Variants in FLCN observed in about 807,000 individuals in gnomAD.
FLCN encodes the protein folliculin.
A neutral mutation model predicts 62.5 loss-of-function variants in FLCN; 22 were observed. The ratio of observed to expected loss-of-function variants is 0.35; its 90% CI spans 0.25 to 0.50. The LOEUF (loss-of-function observed/expected upper bound fraction) is 0.50, where lower values mean the gene tolerates loss of function less well. FLCN is among the 20% of genes least tolerant of loss of function. The pLI is 0.97. For missense variants in FLCN, 657 were observed against 778.0 expected, an observed-to-expected ratio of 0.84 and a Z score of 1.85; for synonymous variants, 319 against 310.0, an observed-to-expected ratio of 1.03 and a Z score of -0.30.
rs8073346 is a variant in FLCN at position 17,214,854 on chromosome 17, T to G, written c.1538+131A>C. On this transcript the variant is annotated intron_variant, in intron 13 of 13. Transcript: ENST00000285071. Reference sequence around the variant, plus strand: ...GAGCTTTGCAGTGGCGGACGTGGAGTTGGAACCCCGCCCCCAACCTCTTCT... The same window carrying G: ...GAGCTTTGCAGTGGCGGACGTGGAGGTGGAACCCCGCCCCCAACCTCTTCT... 0.011 allele frequency: 10,868 copies of G among 963,270 alleles called. 487 individuals carry two copies. Among genetic ancestry groups the G allele is most frequent in the African/African-American group, 0.11 (6,834 of 61,976 alleles). 59.7% of individuals were successfully genotyped at this position (963,270 alleles called of 1,614,324 possible).
At chr17:17,222,809 AG>A (rs1312227373) in intron 6 of FLCN, 148 bp from the exon 7 acceptor site, 1 of 880,308 alleles carries the variant, frequency 1.1e-6, no homozygotes, top group Admixed American at 2.0e-5. Context: ...AAGTGCCACC[AG>A]TCCAATCATT....
At chr17:17,222,088 G>A (rs1309672346) in intron 7 of FLCN, among the ~76,000 whole-genome samples, 1 of 150,318 alleles carries the variant, frequency 6.7e-6, no homozygotes, top group Admixed American at 6.6e-5. Context: ...TGTAATCCCA[G>A]CACTCTGGGA....
Position 17,215,303 on chromosome 17 carries a change from G to A in FLCN, c.1314C>T (p.Ile438=), listed in dbSNP as rs771247255. The change falls in exon 12 of 14, where the codon ATC becomes ATT. Residue 438 remains isoleucine, a synonymous_variant. Transcript: ENST00000285071. Reference sequence around the variant, plus strand: ...AACGTGCGGCTGCGTGGACCTCCACGATGACAGCAAACTCTGTAACAACAC... The same window carrying A: ...AACGTGCGGCTGCGTGGACCTCCACAATGACAGCAAACTCTGTAACAACAC... ...PHVLSSEFAV[I]VEVHAAARST... is the part of the protein sequence containing the mutation. 5.6e-6 allele frequency: 9 copies of A among 1,614,010 alleles called. No homozygotes were observed. Among genetic ancestry groups the A allele is most frequent in the African/African-American group, 1.3e-5 (1 of 75,044 alleles).
intron 4 of FLCN, among the ~76,000 whole-genome samples, chr17:17,227,340 T>C (rs1458700821): frequency 6.7e-6 from 1 of 148,998 alleles, no homozygotes; most frequent in African/African-American, 2.5e-5. Flanking sequence ...GCACGGGACT[T>C]TGGGGACCCG....
intron 1 of FLCN, among the ~76,000 whole-genome samples, chr17:17,234,931 G>T (rs917566100): frequency 8.5e-5 from 13 of 152,080 alleles, no homozygotes; most frequent in Non-Finnish European, 1.6e-4. Flanking sequence ...CTAACACAGT[G>T]AAACCCCGTC....
chr17:17,221,060 T>A, intron 8 of FLCN: 1 of 910,470 alleles, frequency 1.1e-6, no homozygotes, highest in Non-Finnish European at 1.5e-6. Context: ...GTGCACACAG[T>A]GCCACGATCC....
chr17:17,230,173 C>T (rs1380175633), intron 3 of FLCN, among the ~76,000 whole-genome samples: 1 of 152,182 alleles, frequency 6.6e-6, no homozygotes, highest in African/African-American at 2.4e-5. Flanking sequence ...CCCACATTGT[C>T]CATACGGTGG....
chr17:17,226,442 T>G, intron 4 of FLCN, 120 bp from the exon 5 acceptor site: 1 of 1,181,010 alleles, frequency 8.5e-7, no homozygotes, highest in Admixed American at 1.9e-5. Context: ...ATAATTGGCT[T>G]CCAGATTTAT....
In FLCN at chr17:17,216,372, G is replaced by A. The variant is rs936407961; in HGVS notation, c.1300+8C>T. ...GGGCATGGCCCCACAGCCCGCGGGGGCACGCACCTGAGGAGAGCACGTGGG... is the reference window on the plus strand; with the variant it reads ...GGGCATGGCCCCACAGCCCGCGGGGACACGCACCTGAGGAGAGCACGTGGG... On this transcript the variant is annotated splice_region_variant and intron_variant, in intron 11 of 13. Transcript: ENST00000285071. This position sits in a 1 kb window ranked among gnomAD's most constrained non-coding sequence, Gnocchi z 4.0. The A allele has an allele frequency of 3.0e-5, 48 of 1,613,198 alleles. No homozygotes were observed. Among genetic ancestry groups the A allele is most frequent in the Non-Finnish European group, 3.8e-5 (45 of 1,179,610 alleles).
At position 17,224,020 on chromosome 17, in the gene FLCN, T is replaced by A. The variant is rs2047176361; in HGVS notation, c.520A>T (p.Thr174Ser). The A allele has an allele frequency of 1.2e-6, 2 of 1,613,608 alleles. No homozygotes were observed. Among genetic ancestry groups the A allele is most frequent in the Non-Finnish European group, 1.7e-6 (2 of 1,180,020 alleles). ...AGGTAGATCCGGTCCATCATGATGG[T>A]GATGATGCTGTACCAGCGCTGGAAG... ...RGFQRWYSIITIMMDRIYLIN... is the reference protein window; with the variant it reads ...RGFQRWYSIISIMMDRIYLIN... The change falls in exon 6 of 14, where the codon ACC becomes TCC. Residue 174 changes from threonine to serine, a missense_variant. Thr to Ser is a moderately conservative substitution (Grantham distance 58). Transcript: ENST00000285071.
In FLCN at chr17:17,221,557, A is replaced by T; in HGVS notation, c.851T>A (p.Val284Asp). 1 of 1,612,868 alleles carries T rather than the reference A, an allele frequency of 6.2e-7. No homozygotes were observed. Among genetic ancestry groups the T allele is most frequent in the Non-Finnish European group, 8.5e-7 (1 of 1,179,980 alleles). The change falls in exon 8 of 14, where the codon GTC (valine) becomes GAC (aspartate). Residue 284 changes from valine to aspartate, a missense_variant. Physicochemically the swap from Val to Asp is radical, Grantham distance 152 (BLOSUM62 -3). Coordinates refer to ENST00000285071, the MANE Select transcript of FLCN (RefSeq NM_144997.7). ...LEGAPTEDTL[V>D]QMEKLADLEE... ...CTCACCAGCGAGCTTCTCCATCTGG[A>T]CCAAGGTATCCTCGGTCGGAGCACC...
chr17:17,219,565 C>CT (rs33981693), intron 8 of FLCN: 1,900 of 126,002 alleles, frequency 0.015, 1 homozygote, highest in South Asian at 0.036. Context: ...TTTTTTTCCA[C>CT]TTTTTTTTTT....
intron 3 of FLCN, 177 bp from the exon 4 acceptor site, chr17:17,228,338 G>T: frequency 2.9e-6 from 2 of 683,142 alleles, no homozygotes; most frequent in South Asian, 1.9e-5. Flanking sequence ...GAGAGGAACA[G>T]AGATAGGATC....
chr17:17,228,902 G>A (rs1159008797), intron 3 of FLCN: 1 of 152,358 alleles, frequency 6.6e-6, no homozygotes, highest in Non-Finnish European at 1.5e-5. Context: ...AGGCTTTGGG[G>A]GTTCTGATGA....
rs568614819 is a variant in FLCN at position 17,223,800 on chromosome 17, C to G, written c.618+122G>C. On this transcript the variant is annotated intron_variant, in intron 6 of 13. Coordinates refer to ENST00000285071, the MANE Select transcript of FLCN (RefSeq NM_144997.7). ...TGAAGCCAAGAGACTACAATTCACA[C>G]AGTGCACTGGCTGTAAGCAGAGGGG... 9.2e-6 allele frequency: 9 copies of G among 979,600 alleles called. No homozygotes were observed. The East Asian group carries it at 2.1e-4, about 23-fold the overall frequency. 60.7% of individuals were successfully genotyped at this position (979,600 alleles called of 1,614,324 possible). A position where few individuals can be genotyped will look rare whatever the true frequency, so the allele number is the denominator to read the frequency against.
Position 17,216,358 on chromosome 17 carries a change from C to A in FLCN, c.1300+22G>T. On this transcript the variant is annotated intron_variant, in intron 11 of 13. Transcript: ENST00000285071. This position sits in a 1 kb window ranked among gnomAD's most constrained non-coding sequence, Gnocchi z 4.0. Reference sequence around the variant, plus strand: ...GGAACCTCAGCGCAGGGCATGGCCCCACAGCCCGCGGGGGCACGCACCTGA... The same window carrying A: ...GGAACCTCAGCGCAGGGCATGGCCCAACAGCCCGCGGGGGCACGCACCTGA... 1 of 1,612,838 alleles carries A rather than the reference C, an allele frequency of 6.2e-7. No individual in the cohort carries two copies.
At chr17:17,227,459 A>AT (rs1200625263) in intron 4 of FLCN, among the ~76,000 whole-genome samples, 2 of 152,180 alleles carry the variant, frequency 1.3e-5, no homozygotes, top group East Asian at 3.9e-4. Flanking sequence ...CACGCCTGTA[A>AT]TCTCAGCACT....
intron 1 of FLCN, among the ~76,000 whole-genome samples, chr17:17,233,598 C>CAAAAAAAA (rs71152852): frequency 2.7e-5 from 2 of 75,288 alleles, no homozygotes; most frequent in African/African-American, 5.4e-5. Flanking sequence ...GACTCCATCT[C>CAAAAAAAA]AAAAAAAAAA....
intron 3 of FLCN, among the ~76,000 whole-genome samples, chr17:17,230,035 G>C (rs1177770998): frequency 6.6e-6 from 1 of 152,174 alleles, no homozygotes; most frequent in Non-Finnish European, 1.5e-5. Context: ...CTTTAAAATG[G>C]GGGTGTGTCA....
Sources: allele counts gnomAD v4.1 joint callset (sites outside exome capture counted in the v4.1 genomes callset), GRCh38; gene constraint gnomAD v4.1.1; non-coding constraint Gnocchi (gnomAD v3.1); transcripts MANE v1.5; gene names NCBI Gene and HGNC (gene_info 2026-07-23, HGNC 2026-07-21).